Variants in LOXHD1 observed in about 807,000 individuals in gnomAD.
LOXHD1 encodes the protein lipoxygenase homology PLAT domains 1, also known as lipoxygenase homology domain-containing protein 1.
LOXHD1 carries 205 observed loss-of-function variants against 248.2 expected under a neutral mutation model. The observed-to-expected ratio is 0.83, with a 90% confidence interval of 0.74 to 0.93. The LOEUF is 0.93. Ranked by LOEUF, LOXHD1 falls within the 40% of genes least tolerant of loss-of-function variation. LOXHD1 has a pLI of 0.00. For synonymous variants in LOXHD1, 1,113 were observed against 1,162.8 expected, an observed-to-expected ratio of 0.96 and a Z score of 0.87; for missense variants, 2,930 against 2,971.6, an observed-to-expected ratio of 0.99 and a Z score of 0.33.
chr18:46,509,607 G>A lies in LOXHD1; in HGVS notation c.5517+91C>T, dbSNP rs868825867. On this transcript the variant is annotated intron_variant, in intron 35 of 40. Coordinates refer to ENST00000642948, the MANE Select transcript of LOXHD1 (RefSeq NM_001384474.1). ...GTAATGATCCTCTACAGTGACATTTGTGCTTTAACAAGGTCCATTGACAAG... is the reference window on the plus strand; with the variant it reads ...GTAATGATCCTCTACAGTGACATTTATGCTTTAACAAGGTCCATTGACAAG... 6.6e-6 allele frequency: 6 copies of A among 906,026 alleles called. No homozygotes were observed. In the African/African-American group the frequency reaches 9.9e-5, roughly 15 times the overall value. 56.1% of individuals were successfully genotyped at this position (906,026 alleles called of 1,614,324 possible).
chr18:46,533,388 A>G, intron 27 of LOXHD1, 64 bp from the exon 28 acceptor site: 1 of 1,523,770 alleles, frequency 6.6e-7, no homozygotes, highest in Admixed American at 2.0e-5. Context: ...TCAGGGATTC[A>G]TCAGCTCAAT....
chr18:46,524,536 G>T lies in LOXHD1; in HGVS notation c.4806C>A (p.Ser1602Arg). 1 of 1,551,746 alleles carries T rather than the reference G, an allele frequency of 6.4e-7. No individual in the cohort carries two copies. The highest frequency in any genetic ancestry group is 8.7e-7 in the Non-Finnish European group (1 of 1,147,006). ...TGATGTCGACATCGGCCATCTTGGA[G>T]CTCAGGGCGATCTCCCAGAAGTCAG... ...SPADFWEIAL[S>R]SKMADVDIST... is the part of the protein sequence containing the mutation. The change falls in exon 31 of 41, where the codon AGC (serine) becomes AGA (arginine). Residue 1602 changes from serine to arginine, a missense_variant. Physicochemically the swap from Ser to Arg is moderately radical, Grantham distance 110. Transcript: ENST00000642948.
chr18:46,567,391 G>A (rs910199041), intron 16 of LOXHD1, among the ~76,000 whole-genome samples: 5 of 152,350 alleles, frequency 3.3e-5, no homozygotes, highest in Admixed American at 6.5e-5. Flanking sequence ...TGGCAACAAC[G>A]TCAGAGCTAA....
rs141074727 is a variant in LOXHD1, at chr18:46,629,014, A to G, written c.511+10602T>C. Among the ~76,000 whole-genome samples, 803 of 152,298 alleles carry G rather than the reference A, an allele frequency of 5.3e-3. 10 individuals are homozygous for G. The highest frequency in any genetic ancestry group is 0.017 in the African/African-American group (719 of 41,572). On this transcript the variant is annotated intron_variant, in intron 4 of 40. Transcript: ENST00000642948. The stretch of plus-strand genomic sequence containing the variant: ...GATGGGAAGTATGGGGAGATGAAAT[A>G]GGGCAGAAAGATCCACAGTAGAAAG...
intron 29 of LOXHD1, among the ~76,000 whole-genome samples, 199 bp from the exon 30 acceptor site, chr18:46,525,116 G>A (rs947060509): frequency 6.6e-6 from 1 of 152,154 alleles, no homozygotes; most frequent in African/African-American, 2.4e-5. Context: ...GTCCCATTTT[G>A]CAGTCCACTT....
At chr18:46,617,851 G>A (rs934019637) in intron 5 of LOXHD1, among the ~76,000 whole-genome samples, 1 of 152,184 alleles carries the variant, frequency 6.6e-6, no homozygotes, top group Non-Finnish European at 1.5e-5. Context: ...TATAATTCAA[G>A]ATGGGCATGA....
At chr18:46,636,138 T>C (rs2144367702) in intron 4 of LOXHD1, among the ~76,000 whole-genome samples, 1 of 152,310 alleles carries the variant, frequency 6.6e-6, no homozygotes, top group African/African-American at 2.4e-5. Context: ...CCTTGAAACC[T>C]CCTGTCTGTC....
chr18:46,529,929 C>T (rs76129142), intron 28 of LOXHD1, among the ~76,000 whole-genome samples: 3,398 of 152,184 alleles, frequency 0.022, 129 homozygotes, highest in East Asian at 0.2. Context: ...TCCTATGGCC[C>T]ATAGGGAGGG....
chr18:46,596,750 T>G (rs17769810), intron 8 of LOXHD1, among the ~76,000 whole-genome samples: 1 of 151,920 alleles, frequency 6.6e-6, no homozygotes, highest in Non-Finnish European at 1.5e-5. Flanking sequence ...AAAAACAAGA[T>G]CTTAAGAGCA....
chr18:46,520,977 C>A, intron 33 of LOXHD1, 120 bp downstream of exon 33: 1 of 1,194,830 alleles, frequency 8.4e-7, no homozygotes, highest in South Asian at 1.5e-5. Flanking sequence ...CAGGCTGCAG[C>A]GCCTGCGGAT....
At chr18:46,534,542 C>T in intron 26 of LOXHD1, 91 bp from the exon 27 acceptor site, 1 of 948,086 alleles carries the variant, frequency 1.1e-6, no homozygotes, top group Non-Finnish European at 1.7e-6. Flanking sequence ...GGCATCCACC[C>T]TGAGTCCCTT....
rs192017859 is a variant in LOXHD1, at chr18:46,604,521, G to A, written c.760-292C>T. Among the ~76,000 whole-genome samples, 521 of 152,328 alleles carry A rather than the reference G, an allele frequency of 3.4e-3. 3 individuals are homozygous for A. Among genetic ancestry groups the A allele is most frequent in the Non-Finnish European group, 6.0e-3 (407 of 68,032 alleles). ...TGAAGCAAAAAATTTGGCAGCATGA[G>A]CCTTGTGAGACTGGTTACAAGAACT... On this transcript the variant is annotated intron_variant, in intron 6 of 40. Transcript: ENST00000642948.
chr18:46,575,082 ACT>A (rs2144117336), intron 14 of LOXHD1, among the ~76,000 whole-genome samples: 1 of 152,264 alleles, frequency 6.6e-6, no homozygotes, highest in East Asian at 1.9e-4. Context: ...TCAAGGCCTA[ACT>A]CTGCATTGAA....
intron 34 of LOXHD1, among the ~76,000 whole-genome samples, chr18:46,516,817 A>G (rs1221375769): frequency 6.6e-6 from 1 of 151,982 alleles, no homozygotes; most frequent in Non-Finnish European, 1.5e-5. Flanking sequence ...CACCACCATC[A>G]TCATCATCAT....
chr18:46,613,786 A>C (rs2038543180), intron 5 of LOXHD1, among the ~76,000 whole-genome samples: 1 of 152,208 alleles, frequency 6.6e-6, no homozygotes, highest in Non-Finnish European at 1.5e-5. Flanking sequence ...TGCATCTATC[A>C]AGATAATTCT....
Position 46,545,357 on chromosome 18 carries a change from A to T in LOXHD1, c.3579T>A (p.Ala1193=), listed in dbSNP as rs1366499242. The part of the protein sequence containing the change: ...TGVKKNAGTD[A]NVFITLFGTQ... ...TGCCAAAGAGTGTGATGAAGACATT[A>T]GCATCTGTGCCCGCATTCTTCTTAA... The change falls in exon 23 of 41, where the codon GCT becomes GCA. Residue 1193 remains alanine, a synonymous_variant. Coordinates refer to ENST00000642948, the MANE Select transcript of LOXHD1 (RefSeq NM_001384474.1). 3.9e-6 allele frequency: 6 copies of T among 1,552,018 alleles called. No individual in the cohort carries two copies. Among genetic ancestry groups the T allele is most frequent in the South Asian group, 1.2e-5 (1 of 84,060 alleles).
intron 20 of LOXHD1, 64 bp downstream of exon 20, chr18:46,559,384 A>T: frequency 6.4e-7 from 1 of 1,551,054 alleles, no homozygotes; most frequent in Non-Finnish European, 8.7e-7. Context: ...ATGGGCTGCC[A>T]TGGGAATCTC....
intron 4 of LOXHD1, among the ~76,000 whole-genome samples, chr18:46,622,877 T>C (rs1363298089): frequency 2.6e-5 from 4 of 152,204 alleles, no homozygotes; most frequent in Admixed American, 2.0e-4. Flanking sequence ...CTTAAGCTTT[T>C]TGTTCATAGC....
At chr18:46,559,296 G>A in intron 20 of LOXHD1, 152 bp downstream of exon 20, 1 of 1,542,512 alleles carries the variant, frequency 6.5e-7, no homozygotes. Context: ...AAGTATCAGT[G>A]TTACTGAAGA....
Sources: gnomAD v4.1 joint callset for allele counts (sites outside exome capture counted in the v4.1 genomes callset) on GRCh38, gnomAD v4.1.1 for gene constraint, MANE v1.5 for transcripts, NCBI Gene and HGNC (gene_info 2026-07-23, HGNC 2026-07-21) for gene names.